The following GAREM2 variants were observed in gnomAD, a reference collection of about 807,000 sequenced individuals.
The protein encoded by GAREM2 is GRB2 associated regulator of MAPK1 subtype 2, also known as GRB2-associated and regulator of MAPK protein 2.
In GAREM2, 30 loss-of-function variants were observed where a neutral mutation model predicts 55.6. That is an observed-to-expected ratio of 0.54 (90% confidence interval 0.40 to 0.73). The LOEUF (loss-of-function observed/expected upper bound fraction) is 0.73. Ranked by LOEUF, GAREM2 falls within the 30% of genes least tolerant of loss-of-function variation. The pLI, the probability that GAREM2 is intolerant of heterozygous loss-of-function variation, is 0.00. For missense variants in GAREM2, 1,075 were observed against 1,257.7 expected (o/e 0.85, Z 2.20); for synonymous variants, 550 against 569.1 (o/e 0.97, Z 0.48).
chr2:26,187,932 C>G lies in GAREM2; in HGVS notation c.2300C>G (p.Ala767Gly), dbSNP rs549984945. Residue 767 changes from alanine (A) to glycine (G), a missense_variant, in exon 6 of 6, where the codon GCG (alanine) becomes GGG (glycine). Ala to Gly is a moderately conservative substitution (Grantham distance 60). Transcript: ENST00000401533. ...CCAGCTGCTCTGCAGGGACCCGAGGCGGGAGGAGCACTTTTTCTAACCCAA... is the reference window on the plus strand; with the variant it reads ...CCAGCTGCTCTGCAGGGACCCGAGGGGGGAGGAGCACTTTTTCTAACCCAA... ...LSPAALQGPE[A>G]GGALFLTQGR... 1 of 1,451,184 alleles carries G rather than the reference C, an allele frequency of 6.9e-7. No individual in the cohort carries two copies. The highest frequency in any genetic ancestry group is 9.1e-7 in the Non-Finnish European group (1 of 1,097,644). The allele number at this position is 1,451,184 out of a possible 1,614,324, so 89.9% of individuals were successfully genotyped here.
downstream of GAREM2, chr2:26,191,401 TAGAG>T (rs1669494129): frequency 6.2e-7 from 1 of 1,613,986 alleles, no homozygotes; most frequent in Non-Finnish European, 8.5e-7. Flanking sequence ...AGGCCCTGAA[TAGAG>T]AAAGAGGACT....
chr2:26,177,611 T>G (rs1226769729), intron 2 of GAREM2, among the ~76,000 whole-genome samples: 1 of 152,022 alleles, frequency 6.6e-6, no homozygotes, highest in African/African-American at 2.4e-5. Flanking sequence ...CCCAGAGTGC[T>G]GGGATTATAG....
At position 26,187,960 on chromosome 2, in the gene GAREM2, G is replaced by T; in HGVS notation, c.2328G>T (p.Gly776=). 2.1e-6 allele frequency: 3 copies of T among 1,454,514 alleles called. No individual in the cohort carries two copies. Among genetic ancestry groups the T allele is most frequent in the Non-Finnish European group, 2.7e-6 (3 of 1,098,902 alleles). The allele number at this position is 1,454,514 out of a possible 1,614,324, so 90.1% of individuals were successfully genotyped here. A position where few individuals can be genotyped will look rare whatever the true frequency, so the allele number is the denominator to read the frequency against. Residue 776 remains glycine, a synonymous_variant, in exon 6 of 6, where the codon GGG becomes GGT. Transcript: ENST00000401533. ...EAGGALFLTQ[G]RLEGPPASPR... ...GAGGAGCACTTTTTCTAACCCAAGGGCGCCTGGAAGGGCCTCCTGCCAGTC... is the reference window on the plus strand; with the variant it reads ...GAGGAGCACTTTTTCTAACCCAAGGTCGCCTGGAAGGGCCTCCTGCCAGTC...
At chr2:26,180,265 C>T (rs1261353461) in intron 2 of GAREM2, among the ~76,000 whole-genome samples, 1 of 152,200 alleles carries the variant, frequency 6.6e-6, no homozygotes, top group Non-Finnish European at 1.5e-5. Flanking sequence ...TCATCTGGGT[C>T]TCTCGCTGGG....
chr2:26,186,379 G>A lies in GAREM2; in HGVS notation c.1598+21G>A, dbSNP rs760915270. 24 of 1,549,838 alleles carry A rather than the reference G, an allele frequency of 1.5e-5. 1 individual carries two copies. The highest frequency in any genetic ancestry group is 2.0e-5 in the Non-Finnish European group (23 of 1,145,274). On this transcript the variant is annotated intron_variant, in intron 5 of 5. Coordinates refer to ENST00000401533, the MANE Select transcript of GAREM2 (RefSeq NM_001168241.2). ...GATGGGTGAGTCCCTGCCTTCCCTT[G>A]GTCCTGAGTTCTAAGGTAGATCAAG... is the stretch of plus-strand genomic sequence containing the variant.
intron 2 of GAREM2, chr2:26,182,042 T>G: frequency 9.9e-7 from 1 of 1,006,546 alleles, no homozygotes. Flanking sequence ...CACCTATTCA[T>G]GGCTCTCTTC....
chr2:26,196,389 C>T, the GAREM2 span, among the ~76,000 whole-genome samples: 1 of 152,164 alleles, frequency 6.6e-6, no homozygotes, highest in South Asian at 2.1e-4. Context: ...AAGGAATTAG[C>T]CTTTATTGAT....
In GAREM2 at chr2:26,187,729, G is replaced by A. The variant is rs1288042765; in HGVS notation, c.2097G>A (p.Glu699=). The A allele has an allele frequency of 6.8e-7, 1 of 1,468,716 alleles. No individual in the cohort carries two copies. Among genetic ancestry groups the A allele is most frequent in the Non-Finnish European group, 9.0e-7 (1 of 1,105,864 alleles). The allele number at this position is 1,468,716 out of a possible 1,614,324, so 91.0% of individuals were successfully genotyped here. A position where few individuals can be genotyped will look rare whatever the true frequency, so the allele number is the denominator to read the frequency against. The change falls in exon 6 of 6, where the codon GAG becomes GAA. Residue 699 remains glutamate (E), a synonymous_variant. Transcript: ENST00000401533. ...CTGAATGGCAGGAACCAGTCCTGGA[G>A]CCCTTCGATCCCTTTGAGCTGGGGC... is the stretch of plus-strand genomic sequence containing the variant. ...SSSEWQEPVL[E]PFDPFELGQG... is the part of the protein sequence containing the mutation.
In GAREM2 at chr2:26,182,970, A is replaced by C. The variant is rs1478371078; in HGVS notation, c.257A>C (p.Lys86Thr). Residue 86 changes from lysine to threonine, a missense_variant, in exon 3 of 6, where the codon AAG becomes ACG. By Grantham distance (78) the Lys-to-Thr change is moderately conservative. Coordinates refer to ENST00000401533, the MANE Select transcript of GAREM2 (RefSeq NM_001168241.2). Reference sequence around the variant, plus strand: ...ACTTTTGTCACCCACTATGCAGGGAAGTTCAAGCTCCTGGAACAGGCCCGG... The same window carrying C: ...ACTTTTGTCACCCACTATGCAGGGACGTTCAAGCTCCTGGAACAGGCCCGG... ...KIDIPLQYPG[K>T]FKLLEQARDV... 2.6e-6 allele frequency: 4 copies of C among 1,551,616 alleles called. No individual in the cohort carries two copies. Among genetic ancestry groups the C allele is most frequent in the Non-Finnish European group, 3.5e-6 (4 of 1,146,916 alleles).
intron 1 of GAREM2, 101 bp from the exon 2 acceptor site, chr2:26,176,243 A>G: frequency 1.7e-6 from 2 of 1,174,866 alleles, no homozygotes; most frequent in Admixed American, 2.9e-5. Context: ...GCTGTCCCTC[A>G]GGGGGGCGGT....
At chr2:26,202,603 T>C in the GAREM2 span, among the ~76,000 whole-genome samples, 1 of 152,296 alleles carries the variant, frequency 6.6e-6, no homozygotes, top group African/African-American at 2.4e-5. Flanking sequence ...CAGCTGTGCA[T>C]GGTGGCGCAT....
At chr2:26,180,281 G>A (rs986091397) in intron 2 of GAREM2, among the ~76,000 whole-genome samples, 1 of 152,140 alleles carries the variant, frequency 6.6e-6, no homozygotes, top group Non-Finnish European at 1.5e-5. Flanking sequence ...CTGGGTTTAG[G>A]GGTCTCCAGG....
At position 26,184,334 on chromosome 2, in the gene GAREM2, C is replaced by T. The variant is rs1460603791; in HGVS notation, c.486C>T (p.Ala162=). 1.9e-6 allele frequency: 3 copies of T among 1,550,408 alleles called. No homozygotes were observed. Among genetic ancestry groups the T allele is most frequent in the East Asian group, 4.9e-5 (2 of 40,890 alleles). ...TGGGCCAGGCGGAGATCCTGTGCGCCAAGACCACCAAGGAGCGCTCGCGCT... is the reference window on the plus strand; with the variant it reads ...TGGGCCAGGCGGAGATCCTGTGCGCTAAGACCACCAAGGAGCGCTCGCGCT... ...TLMGQAEILC[A]KTTKERSRFT... Residue 162 remains alanine (A), a synonymous_variant, in exon 4 of 6, where the codon GCC becomes GCT. Transcript: ENST00000401533.
At chr2:26,195,244 A>G in the GAREM2 span, 5 of 1,610,766 alleles carry the variant, frequency 3.1e-6, no homozygotes, top group Non-Finnish European at 4.2e-6. Context: ...TGGCAAGGGG[A>G]ACCAAAAGCC....
chr2:26,200,122 A>G, the GAREM2 span, among the ~76,000 whole-genome samples: 3 of 152,208 alleles, frequency 2.0e-5, no homozygotes, highest in African/African-American at 7.2e-5. Flanking sequence ...TCTATGGGCA[A>G]TAAGAGAAGA....
chr2:26,197,494 A>G, the GAREM2 span, among the ~76,000 whole-genome samples: 1 of 152,180 alleles, frequency 6.6e-6, no homozygotes, highest in Admixed American at 6.5e-5. Context: ...ATCCTTGAAA[A>G]GGATATTTTT....
At chr2:26,204,189 C>T in the GAREM2 span, 1 of 1,613,936 alleles carries the variant, frequency 6.2e-7, no homozygotes, top group South Asian at 1.1e-5. Flanking sequence ...CCAAGAATAG[C>T]CAGATGCCTG....
the GAREM2 span, chr2:26,194,946 C>T: frequency 2.5e-6 from 2 of 797,628 alleles, no homozygotes; most frequent in African/African-American, 1.7e-5. Flanking sequence ...CAGTCAATAC[C>T]ACCGTCCATC....
chr2:26,192,989 A>G (rs767192992), downstream of GAREM2, among the ~76,000 whole-genome samples: 5 of 152,170 alleles, frequency 3.3e-5, no homozygotes, highest in African/African-American at 9.7e-5. Context: ...ACCGGGTCCT[A>G]GAACACCCAG....
Sources: allele counts gnomAD v4.1 joint callset (sites outside exome capture counted in the v4.1 genomes callset), GRCh38; gene constraint gnomAD v4.1.1; transcripts MANE v1.5; gene names NCBI Gene and HGNC (gene_info 2026-07-23, HGNC 2026-07-21).